RCC1L: variants seen among roughly 807,000 people sequenced by gnomAD.
RCC1L encodes RCC1-like G exchanging factor-like protein.
RCC1L carries 46 observed loss-of-function variants against 58.6 expected under a neutral mutation model. That is an observed-to-expected ratio of 0.79 (90% CI 0.62 to 1.00). The LOEUF (loss-of-function observed/expected upper bound fraction) is 1.00, where lower values mean the gene tolerates loss of function less well. RCC1L is among the 50% of genes least tolerant of loss of function. The probability of loss-of-function intolerance (pLI) is 0.00; values close to 1 mark genes in which losing one functional copy is unlikely to be tolerated. For synonymous variants in RCC1L, 281 were observed against 262.9 expected, an observed-to-expected ratio of 1.07 and a Z score of -0.67; for missense variants, 636 against 623.6, an observed-to-expected ratio of 1.02 and a Z score of -0.21.
At chr7:75,056,130 A>T (rs1554443919) in intron 8 of RCC1L, 56 bp from the exon 9 acceptor site, 19 of 1,598,420 alleles carry the variant, frequency 1.2e-5, no homozygotes, top group Admixed American at 1.7e-5. Context: ...AACCTCCCTC[A>T]CCAGAAACTC....
chr7:75,063,467 A>G, intron 4 of RCC1L, 124 bp from the exon 5 acceptor site: 1 of 1,036,604 alleles, frequency 9.6e-7, no homozygotes, highest in Admixed American at 1.8e-5. Flanking sequence ...TGTTGGGGTA[A>G]CTCTCAAGGT....
chr7:75,029,406 C>T (rs900949991), intron 10 of RCC1L, among the ~76,000 whole-genome samples: 5 of 144,562 alleles, frequency 3.5e-5, no homozygotes, highest in African/African-American at 7.8e-5. Flanking sequence ...TGCAGTGGTG[C>T]GATCTCGGTT....
intron 2 of RCC1L, among the ~76,000 whole-genome samples, chr7:75,068,958 C>T (rs2132011535): frequency 1.3e-5 from 2 of 152,064 alleles, no homozygotes; most frequent in Middle Eastern, 3.4e-3. Context: ...CAACCTCTGC[C>T]TCCCAGTTCA....
chr7:75,063,101 A>G (rs1290425576), intron 5 of RCC1L, among the ~76,000 whole-genome samples, 191 bp downstream of exon 5: 1 of 151,992 alleles, frequency 6.6e-6, no homozygotes, highest in Non-Finnish European at 1.5e-5. Context: ...CCCGGCCCCA[A>G]AATCTTATTA....
chr7:75,035,453 G>C (rs1387235581), intron 10 of RCC1L, among the ~76,000 whole-genome samples: 4 of 152,162 alleles, frequency 2.6e-5, no homozygotes, highest in Non-Finnish European at 5.9e-5. Context: ...AATTTACAGA[G>C]TGTGTTGTAG....
intron 5 of RCC1L, among the ~76,000 whole-genome samples, chr7:75,062,948 G>A (rs1806322372): frequency 6.6e-6 from 1 of 152,072 alleles, no homozygotes; most frequent in African/African-American, 2.4e-5. Flanking sequence ...ACAGGCATGT[G>A]CCACCACACC....
chr7:75,036,122 T>C (rs1805425773), intron 10 of RCC1L, among the ~76,000 whole-genome samples: 1 of 150,608 alleles, frequency 6.6e-6, no homozygotes, highest in Non-Finnish European at 1.5e-5. Flanking sequence ...CACTCTTTTT[T>C]TTTTTTTTTT....
At chr7:75,062,727 AC>A (rs1269938882) in intron 5 of RCC1L, among the ~76,000 whole-genome samples, 2 of 152,192 alleles carry the variant, frequency 1.3e-5, no homozygotes, top group Non-Finnish European at 2.9e-5. Flanking sequence ...GGCTGACGTT[AC>A]AGGTGTGAGC....
chr7:75,052,215 C>T (rs891225368), intron 10 of RCC1L, among the ~76,000 whole-genome samples: 2 of 152,166 alleles, frequency 1.3e-5, no homozygotes, highest in Non-Finnish European at 1.5e-5. Flanking sequence ...CTTTTAAATT[C>T]ATTGTGAAGC....
intron 4 of RCC1L, among the ~76,000 whole-genome samples, chr7:75,063,908 A>C (rs905836900): frequency 6.6e-6 from 1 of 151,954 alleles, no homozygotes; most frequent in Non-Finnish European, 1.5e-5. Context: ...TAACACAGTG[A>C]GACTCCACCT....
chr7:75,045,889 G>C (rs1371594943), intron 10 of RCC1L, among the ~76,000 whole-genome samples: 1 of 152,370 alleles, frequency 6.6e-6, no homozygotes, highest in South Asian at 2.1e-4. Context: ...CTGCCAGGAT[G>C]CTGGCACTTG....
intron 6 of RCC1L, among the ~76,000 whole-genome samples, chr7:75,059,927 AT>A (rs1189463343): frequency 6.6e-6 from 1 of 151,752 alleles, no homozygotes; most frequent in Non-Finnish European, 1.5e-5. Flanking sequence ...TGCCCAGCCA[AT>A]TTTTTTTGTA....
At chr7:75,038,966 G>A (rs903390311), downstream of RCC1L, among the ~76,000 whole-genome samples, 5 of 152,208 alleles carry the variant, frequency 3.3e-5, no homozygotes, top group Admixed American at 6.5e-5. Context: ...TAAGCCTCCC[G>A]GGTAGCTGGG....
chr7:75,050,164 C>T (rs1397246087), intron 10 of RCC1L, among the ~76,000 whole-genome samples: 7 of 152,152 alleles, frequency 4.6e-5, no homozygotes, highest in Admixed American at 1.3e-4. Context: ...CACCTGTAAT[C>T]CCAGCTACCA....
intron 2 of RCC1L, among the ~76,000 whole-genome samples, chr7:75,067,125 A>AC (rs1327944058): frequency 6.6e-6 from 1 of 151,624 alleles, no homozygotes; most frequent in South Asian, 2.1e-4. Context: ...AAAATGGTGA[A>AC]CCCCATCTCT....
chr7:75,037,539 C>A (rs1325657056), downstream of RCC1L, among the ~76,000 whole-genome samples: 1 of 143,912 alleles, frequency 6.9e-6, no homozygotes, highest in African/African-American at 2.6e-5. Flanking sequence ...GAGTCTCGGT[C>A]TGTCTCCCAG....
intron 8 of RCC1L, chr7:75,056,796 T>C: frequency 7.2e-7 from 1 of 1,383,352 alleles, no homozygotes; most frequent in East Asian, 2.5e-5. Context: ...CATCTTCTAA[T>C]CCAATGCCAT....
chr7:75,061,539 G>A (rs1040801740), intron 5 of RCC1L, among the ~76,000 whole-genome samples: 6 of 151,980 alleles, frequency 3.9e-5, no homozygotes, highest in African/African-American at 7.2e-5. Flanking sequence ...TCCATCCCAC[G>A]CCATCTCCAA....
intron 10 of RCC1L, among the ~76,000 whole-genome samples, chr7:75,044,326 C>T (rs938588260): frequency 6.6e-6 from 1 of 152,124 alleles, no homozygotes; most frequent in Admixed American, 6.6e-5. Flanking sequence ...TTATGCCGGG[C>T]GCAGTGGCTC....
Sources: gnomAD v4.1 joint callset for allele counts (sites outside exome capture counted in the v4.1 genomes callset) on GRCh38, gnomAD v4.1.1 for gene constraint, MANE v1.5 for transcripts, NCBI Gene and HGNC (gene_info 2026-07-23, HGNC 2026-07-21) for gene names.